Variants in UAP1 observed in about 807,000 individuals in gnomAD.
UAP1 encodes UDP-N-acetylglucosamine pyrophosphorylase 1.
Under a neutral mutation model 58.5 loss-of-function variants are expected in UAP1, and 25 were observed. The ratio of observed to expected loss-of-function variants is 0.43; its 90% CI spans 0.31 to 0.60. UAP1 has a LOEUF of 0.60. Ranked by LOEUF, UAP1 falls within the 20% of genes least tolerant of loss-of-function variation. The probability of loss-of-function intolerance (pLI) is 0.11; values close to 1 mark genes in which losing one functional copy is unlikely to be tolerated. For synonymous variants in UAP1, 208 were observed against 213.0 expected (o/e 0.98, Z 0.21); for missense variants, 575 against 630.0 (o/e 0.91, Z 0.93).
chr1:162,596,000 C>T (rs1049607270), intron 9 of UAP1, among the ~76,000 whole-genome samples: 8 of 151,610 alleles, frequency 5.3e-5, no homozygotes, highest in South Asian at 2.1e-4. Flanking sequence ...TACAGATGCT[C>T]GCCTCCAAGC....
intron 1 of UAP1, among the ~76,000 whole-genome samples, chr1:162,563,766 T>TA (rs1653322586): frequency 6.6e-6 from 1 of 152,250 alleles, no homozygotes; most frequent in East Asian, 1.9e-4. Context: ...CTTAAAATGT[T>TA]ATAGTAATAT....
exon 3 of UAP1, chr1:162,576,852 C>A: frequency 6.2e-7 from 1 of 1,614,156 alleles, no homozygotes; most frequent in South Asian, 1.1e-5. Context: ...CTCGGCGTTG[C>A]ATATCCTAAG....
At chr1:162,588,651 A>T in intron 6 of UAP1, 42 bp from the exon 7 acceptor site, 1 of 1,575,746 alleles carries the variant, frequency 6.3e-7, no homozygotes, top group South Asian at 1.2e-5. Flanking sequence ...TGGCATTTTA[A>T]ATCTGGAACG....
chr1:162,591,645 C>T (rs758314846), intron 8 of UAP1, among the ~76,000 whole-genome samples: 5 of 151,970 alleles, frequency 3.3e-5, no homozygotes, highest in Non-Finnish European at 4.4e-5. Flanking sequence ...GCCATAAAGC[C>T]CAGCTAATTT....
chr1:162,587,361 G>T, intron 5 of UAP1, 114 bp from the exon 6 acceptor site: 1 of 915,748 alleles, frequency 1.1e-6, no homozygotes, highest in Non-Finnish European at 1.7e-6. Context: ...GATTCTTCTT[G>T]GCTTTATACC....
chr1:162,591,157 C>T (rs1380304264), intron 8 of UAP1, among the ~76,000 whole-genome samples: 1 of 152,126 alleles, frequency 6.6e-6, no homozygotes, highest in Non-Finnish European at 1.5e-5. Context: ...GATCTCCTGA[C>T]CTTGTGATCC....
intron 4 of UAP1, among the ~76,000 whole-genome samples, chr1:162,580,895 A>T (rs1222841197): frequency 1.3e-5 from 2 of 152,218 alleles, no homozygotes; most frequent in African/African-American, 4.8e-5. Flanking sequence ...TGAAATTGTC[A>T]GCATTGGGGT....
At chr1:162,589,172 A>C (rs1228409071) in intron 7 of UAP1, among the ~76,000 whole-genome samples, 1 of 98,482 alleles carries the variant, frequency 1.0e-5, no homozygotes, top group Non-Finnish European at 1.9e-5. Context: ...ATAATATATA[A>C]ATATTATATA....
At chr1:162,594,760 A>G (rs1432006202) in intron 9 of UAP1, among the ~76,000 whole-genome samples, 1 of 152,216 alleles carries the variant, frequency 6.6e-6, no homozygotes, top group Non-Finnish European at 1.5e-5. Context: ...AAAAGCTTTA[A>G]ACATTATTCT....
chr1:162,589,070 C>T (rs576365981), intron 7 of UAP1, among the ~76,000 whole-genome samples: 1 of 124,856 alleles, frequency 8.0e-6, no homozygotes, highest in East Asian at 2.2e-4. Context: ...TTTCTGGCTC[C>T]TATAAAGTTT....
intron 9 of UAP1, among the ~76,000 whole-genome samples, chr1:162,596,774 C>T (rs531506195): frequency 1.3e-5 from 2 of 152,132 alleles, no homozygotes; most frequent in African/African-American, 2.4e-5. Context: ...AGACTACGTA[C>T]TTGGGGAAAG....
At position 162,589,076 on chromosome 1, in the gene UAP1, AG is replaced by A. The variant is rs1655092669; in HGVS notation, c.1169+244del. Among the ~76,000 whole-genome samples, 5 of 129,012 alleles carry A rather than the reference AG, an allele frequency of 3.9e-5. No individual in the cohort carries two copies. In the South Asian group the frequency reaches 1.1e-3, roughly 29 times the overall value. The allele number at this position is 129,012 out of a possible 152,430, so 84.6% of individuals were successfully genotyped here. On this transcript the variant is annotated intron_variant, in intron 7 of 10. Coordinates refer to ENST00000271469, the Ensembl canonical transcript of UAP1. Reference sequence around the variant, plus strand: ...ATCAACTAGTTTCTGGCTCCTATAAAGTTTTTTTCATATGTATATTAAATAT... The same window carrying A: ...ATCAACTAGTTTCTGGCTCCTATAAATTTTTTTCATATGTATATTAAATAT...
intron 5 of UAP1, among the ~76,000 whole-genome samples, chr1:162,586,368 C>G (rs76506557): frequency 0.11 from 17,193 of 152,134 alleles, 1,240 homozygotes; most frequent in Middle Eastern, 0.15. Flanking sequence ...GTTGCCCAGG[C>G]TCGAGTGGAG....
chr1:162,586,176 AT>A (rs959084218), intron 5 of UAP1, among the ~76,000 whole-genome samples: 7 of 152,196 alleles, frequency 4.6e-5, no homozygotes, highest in Admixed American at 4.6e-4. Flanking sequence ...ATTTTAAGAA[AT>A]CAGTTGTTGA....
chr1:162,588,685 C>T lies in UAP1; in HGVS notation c.1029-8C>T. 6.3e-7 allele frequency: 1 copy of T among 1,594,388 alleles called. No homozygotes were observed. Among genetic ancestry groups the T allele is most frequent in the Non-Finnish European group, 8.5e-7 (1 of 1,172,644 alleles). On this transcript the variant is annotated splice_polypyrimidine_tract_variant and splice_region_variant and intron_variant, in intron 6 of 10. Transcript: ENST00000271469. ...CGTGATTATATCTTTTCTCCTCCTGCTTCTTAGTGTTTATGAACCTCAGTT... is the reference window on the plus strand; with the variant it reads ...CGTGATTATATCTTTTCTCCTCCTGTTTCTTAGTGTTTATGAACCTCAGTT...
At chr1:162,598,021 G>A (rs1267781136) in intron 10 of UAP1, among the ~76,000 whole-genome samples, 163 bp downstream of exon 10, 2 of 152,072 alleles carry the variant, frequency 1.3e-5, no homozygotes, top group Non-Finnish European at 2.9e-5. Context: ...GTGTATATAT[G>A]CATTGAATCA....
chr1:162,563,208 A>G (rs1008945256), intron 1 of UAP1, among the ~76,000 whole-genome samples: 6 of 152,192 alleles, frequency 3.9e-5, no homozygotes, highest in Non-Finnish European at 8.8e-5. Flanking sequence ...GAAGGTGCTT[A>G]TATCTGCCTC....
intron 5 of UAP1, among the ~76,000 whole-genome samples, chr1:162,583,734 TCTC>T (rs1429502135): frequency 6.6e-6 from 1 of 152,066 alleles, no homozygotes; most frequent in Non-Finnish European, 1.5e-5. Flanking sequence ...GCTCAGCAAT[TCTC>T]CTGCCTCAGC....
At chr1:162,597,918 T>C in intron 10 of UAP1, 60 bp downstream of exon 10, 1 of 1,438,868 alleles carries the variant, frequency 6.9e-7, no homozygotes, top group Non-Finnish European at 9.6e-7. Flanking sequence ...TTCAAAATAA[T>C]GAAAAAGTGG....
Sources: gnomAD v4.1 joint callset for allele counts (sites outside exome capture counted in the v4.1 genomes callset) on GRCh38, gnomAD v4.1.1 for gene constraint, MANE v1.5 for transcripts, NCBI Gene and HGNC (gene_info 2026-07-23, HGNC 2026-07-21) for gene names.